The following DCAF8 variants were observed in gnomAD, a reference collection of about 807,000 sequenced individuals.
The protein encoded by DCAF8 is DDB1 and CUL4 associated factor 8, also known as DDB1- and CUL4-associated factor 8.
In DCAF8, 20 loss-of-function variants were observed where a neutral mutation model predicts 68.0. The ratio of observed to expected loss-of-function variants is 0.29; its 90% CI spans 0.21 to 0.43. The LOEUF is 0.43. DCAF8 is among the 20% of genes least tolerant of loss of function. The probability of loss-of-function intolerance (pLI) is 1.00; values close to 1 mark genes in which losing one functional copy is unlikely to be tolerated. For synonymous variants in DCAF8, 230 were observed against 276.9 expected (o/e 0.83, Z 1.68); for missense variants, 460 against 771.0 (o/e 0.60, Z 4.78).
intron 2 of DCAF8, among the ~76,000 whole-genome samples, chr1:160,248,208 G>C (rs1407788454): frequency 6.6e-6 from 1 of 152,012 alleles, no homozygotes; most frequent in African/African-American, 2.4e-5. Flanking sequence ...TGGGGAAGCT[G>C]AGACAAGAGA....
At chr1:160,241,575 A>G (rs1385219685) in intron 3 of DCAF8, among the ~76,000 whole-genome samples, 20 of 152,212 alleles carry the variant, frequency 1.3e-4, no homozygotes, top group Admixed American at 1.3e-3. Context: ...TTCCAATGAG[A>G]ACTTGAGGAA....
In DCAF8 at chr1:160,215,935, A is replaced by G. The variant is rs2101707949; in HGVS notation, c.*1657T>C. On this transcript the variant is annotated 3_prime_UTR_variant, in exon 14 of 14. Coordinates refer to ENST00000368074, the MANE Select transcript of DCAF8 (RefSeq NM_015726.4). ...AAGTATCTGGGAATACCATTCTCTC[A>G]CTCTTTTCCCCTCCTTCCTGGCCTG... The G allele has an allele frequency of 6.6e-6, 1 of 152,088 alleles. No individual in the cohort carries two copies. Among genetic ancestry groups the G allele is most frequent in the African/African-American group, 2.4e-5 (1 of 41,498 alleles). The allele number at this position is 152,088 out of a possible 1,614,324, so 9.4% of individuals were successfully genotyped here.
chr1:160,237,344 G>C (rs754738270), intron 5 of DCAF8, 115 bp from the exon 6 acceptor site: 4 of 701,328 alleles, frequency 5.7e-6, no homozygotes, highest in Non-Finnish European at 9.5e-6. Context: ...AAAGAGAAAT[G>C]TCTACCTTTT....
chr1:160,233,407 A>G (rs2101731797), intron 6 of DCAF8, among the ~76,000 whole-genome samples: 1 of 152,290 alleles, frequency 6.6e-6, no homozygotes, highest in Admixed American at 6.5e-5. Context: ...TTAAAAACAA[A>G]CAAAAAAAAT....
chr1:160,218,031 T>C (rs1655182031), intron 13 of DCAF8: 2 of 495,668 alleles, frequency 4.0e-6, no homozygotes, highest in Non-Finnish European at 7.1e-6. Flanking sequence ...AGAGGAAAAA[T>C]AGAAGGGTCA....
intron 2 of DCAF8, among the ~76,000 whole-genome samples, chr1:160,259,268 T>C (rs1397917670): frequency 6.6e-6 from 1 of 152,086 alleles, no homozygotes; most frequent in Non-Finnish European, 1.5e-5. Flanking sequence ...GGCATGGTGG[T>C]TCACACCTGT....
At chr1:160,240,456 C>A in intron 3 of DCAF8, 86 bp from the exon 4 acceptor site, 1 of 1,305,218 alleles carries the variant, frequency 7.7e-7, no homozygotes, top group Non-Finnish European at 1.0e-6. Context: ...ATCTTCACAT[C>A]AAAAGACCAA....
In DCAF8 at chr1:160,231,287, A is replaced by G; in HGVS notation, c.1070+10T>C. ...AAACTGTCAAAGACACAAAAGAGCC[A>G]CAAACTCACCTTACAAACTGATCTC... is the stretch of plus-strand genomic sequence containing the variant. On this transcript the variant is annotated intron_variant, in intron 7 of 13. Coordinates refer to ENST00000368074, the MANE Select transcript of DCAF8 (RefSeq NM_015726.4). The G allele has an allele frequency of 1.2e-6, 2 of 1,604,166 alleles. No homozygotes were observed. Among genetic ancestry groups the G allele is most frequent in the Non-Finnish European group, 1.7e-6 (2 of 1,171,090 alleles).
intron 6 of DCAF8, among the ~76,000 whole-genome samples, chr1:160,233,365 AT>A (rs1655760635): frequency 6.6e-6 from 1 of 152,204 alleles, no homozygotes; most frequent in Non-Finnish European, 1.5e-5. Flanking sequence ...CCTAGGCAAC[AT>A]AGTGAGCTCC....
At chr1:160,251,867 A>G (rs1656613420) in intron 2 of DCAF8, among the ~76,000 whole-genome samples, 1 of 152,226 alleles carries the variant, frequency 6.6e-6, no homozygotes, top group Admixed American at 6.5e-5. Flanking sequence ...TATGGTAGGT[A>G]GGACTTTAGT....
At chr1:160,259,232 G>C (rs1656958062) in intron 2 of DCAF8, among the ~76,000 whole-genome samples, 1 of 152,160 alleles carries the variant, frequency 6.6e-6, no homozygotes, top group Non-Finnish European at 1.5e-5. Flanking sequence ...TCCAGCTGTG[G>C]AGCTGAAAAA....
At chr1:160,218,067 A>G in intron 13 of DCAF8, 1 of 527,616 alleles carries the variant, frequency 1.9e-6, no homozygotes, top group East Asian at 3.1e-5. Context: ...TTTCTTCTCA[A>G]TTCCCTCCTC....
At chr1:160,248,068 G>A (rs1393944249) in intron 2 of DCAF8, among the ~76,000 whole-genome samples, 1 of 152,202 alleles carries the variant, frequency 6.6e-6, no homozygotes, top group Non-Finnish European at 1.5e-5. Context: ...CACTTTGGGA[G>A]GCCAAGGCGG....
intron 2 of DCAF8, among the ~76,000 whole-genome samples, chr1:160,245,314 AG>A (rs1656277653): frequency 6.6e-6 from 1 of 152,226 alleles, no homozygotes; most frequent in South Asian, 2.1e-4. Context: ...AAGCCCTTTC[AG>A]TGACTTGGAC....
chr1:160,254,898 C>T (rs60528208), intron 2 of DCAF8, among the ~76,000 whole-genome samples: 2,419 of 152,316 alleles, frequency 0.016, 63 homozygotes, highest in African/African-American at 0.049. Context: ...ACCTCTACCA[C>T]CTGCTTTTGA....
At chr1:160,227,319 T>C (rs746101275) in intron 7 of DCAF8, among the ~76,000 whole-genome samples, 8 of 152,212 alleles carry the variant, frequency 5.3e-5, no homozygotes, top group Non-Finnish European at 7.3e-5. Context: ...TTGTTTGCTT[T>C]GGCAGTTAGG....
intron 1 of DCAF8, chr1:160,262,199 C>G (rs1186904264): frequency 2.5e-6 from 1 of 396,202 alleles, no homozygotes; most frequent in African/African-American, 2.1e-5. Flanking sequence ...GCTTGGGATA[C>G]GGGTCAGGCC....
rs141233812 is a variant in DCAF8 at position 160,239,870 on chromosome 1, G to A, written c.550C>T (p.Arg184Cys). Residue 184 changes from arginine to cysteine, a missense_variant, in exon 4 of 14, where the codon CGC becomes TGC. This residue lies in a region of DCAF8 where 170 missense variants were observed against 318.2 expected (regional missense o/e 0.53). Transcript: ENST00000368074. ...CGARVFVQRF[R>C]LQHGLEGHTG... ...TGGCCCTCAAGCCCATGCTGCAGGC[G>A]GAAACGCTGCACAAAGACTCTTGCC... The A allele has an allele frequency of 6.2e-6, 10 of 1,614,112 alleles. No individual in the cohort carries two copies. Among genetic ancestry groups the A allele is most frequent in the Non-Finnish European group, 8.5e-6 (10 of 1,180,048 alleles).
At chr1:160,236,638 C>T (rs1009640784) in intron 6 of DCAF8, among the ~76,000 whole-genome samples, 2 of 151,986 alleles carry the variant, frequency 1.3e-5, no homozygotes, top group African/African-American at 4.8e-5. Context: ...TTCTATGATA[C>T]CACACAGTTA....
Sources: gnomAD v4.1 joint callset for allele counts (sites outside exome capture counted in the v4.1 genomes callset) on GRCh38, gnomAD v4.1.1 for gene constraint, gnomAD v4.1.1 regional missense constraint, MANE v1.5 for transcripts, NCBI Gene and HGNC (gene_info 2026-07-23, HGNC 2026-07-21) for gene names.